WIPF2: variants seen among roughly 807,000 people sequenced by gnomAD.
WIPF2 encodes the protein WAS/WASL interacting protein family member 2.
In WIPF2, 23 loss-of-function variants were observed where a neutral mutation model predicts 38.8. The observed-to-expected ratio is 0.59, with a 90% CI of 0.43 to 0.84. The LOEUF (loss-of-function observed/expected upper bound fraction) is 0.84, where lower values mean the gene tolerates loss of function less well. Ranked by LOEUF, WIPF2 falls within the 40% of genes least tolerant of loss-of-function variation. WIPF2 has a pLI of 0.00. For synonymous variants in WIPF2, 210 were observed against 223.2 expected (o/e 0.94, Z 0.53); for missense variants, 574 against 580.5 (o/e 0.99, Z 0.11).
At chr17:40,236,342 C>CT (rs200578978) in intron 1 of WIPF2, among the ~76,000 whole-genome samples, 6 of 150,824 alleles carry the variant, frequency 4.0e-5, no homozygotes, top group African/African-American at 7.3e-5. Context: ...GTCTTCTAAC[C>CT]TTTTTTTTTC....
rs1019290726 is a variant in WIPF2, at chr17:40,219,314, C to T, written c.-248C>T. On this transcript the variant is annotated 5_prime_UTR_variant, in exon 1 of 8. Coordinates refer to ENST00000323571, the MANE Select transcript of WIPF2 (RefSeq NM_133264.5). ...TTTTCCCCCGCCTCCATTTTGTTCG[C>T]GGACGCTGGGGACGGTGGGAGCAGA... 1.0e-5 allele frequency: 3 copies of T among 295,742 alleles called. No homozygotes were observed. The allele number at this position is 295,742 out of a possible 1,614,324, so 18.3% of individuals were successfully genotyped here. A position where few individuals can be genotyped will look rare whatever the true frequency, so the allele number is the denominator to read the frequency against.
At chr17:40,267,140 A>G (rs992044822) in intron 5 of WIPF2, among the ~76,000 whole-genome samples, 2 of 152,058 alleles carry the variant, frequency 1.3e-5, no homozygotes, top group African/African-American at 4.8e-5. Flanking sequence ...GGCCCACTTG[A>G]GATTATGGGC....
intron 1 of WIPF2, among the ~76,000 whole-genome samples, chr17:40,221,318 T>G (rs2030226741): frequency 1.3e-5 from 2 of 152,136 alleles, no homozygotes; most frequent in Admixed American, 1.3e-4. Flanking sequence ...ATTATTAAGC[T>G]CTCATTTTTT....
intron 3 of WIPF2, among the ~76,000 whole-genome samples, chr17:40,262,132 G>A (rs551784911): frequency 1.4e-5 from 2 of 145,460 alleles, no homozygotes; most frequent in Non-Finnish European, 3.0e-5. Flanking sequence ...TCAGGCTGGA[G>A]TGCAGTGGTA....
intron 3 of WIPF2, 125 bp downstream of exon 3, chr17:40,260,792 C>A (rs994369566): frequency 1.6e-6 from 2 of 1,281,354 alleles, no homozygotes; most frequent in African/African-American, 1.5e-5. Flanking sequence ...TGCTTTGGCT[C>A]TCTTCTTATT....
chr17:40,230,490 G>A (rs1048805805), intron 1 of WIPF2, among the ~76,000 whole-genome samples: 1 of 152,068 alleles, frequency 6.6e-6, no homozygotes, highest in Non-Finnish European at 1.5e-5. Context: ...CAGTGAAACA[G>A]TTTTTATAAG....
chr17:40,251,063 G>A (rs1253940007), intron 1 of WIPF2, among the ~76,000 whole-genome samples: 1 of 151,726 alleles, frequency 6.6e-6, no homozygotes, highest in African/African-American at 2.4e-5. Flanking sequence ...ACAGGCGCCC[G>A]CCACCACGCC....
At chr17:40,260,386 C>T (rs2031859322) in intron 2 of WIPF2, 149 bp from the exon 3 acceptor site, 11 of 824,954 alleles carry the variant, frequency 1.3e-5, no homozygotes, top group Non-Finnish European at 2.0e-5. Context: ...GGGGTTTCAC[C>T]ATGTTGGCCA....
intron 1 of WIPF2, among the ~76,000 whole-genome samples, 186 bp from the exon 2 acceptor site, chr17:40,256,205 C>T (rs1279612853): frequency 6.6e-6 from 1 of 151,294 alleles, no homozygotes; most frequent in Non-Finnish European, 1.5e-5. Flanking sequence ...CATCATAAGT[C>T]ATTAGGAAAT....
chr17:40,220,591 A>ATATATATATATATATG (rs2030156729), intron 1 of WIPF2: 2 of 76,716 alleles, frequency 2.6e-5, no homozygotes, highest in African/African-American at 5.6e-5. Flanking sequence ...ATATATATAT[A>ATATATATATATATATG]TATATATATA....
At chr17:40,260,812 G>A in intron 3 of WIPF2, 145 bp downstream of exon 3, 1 of 1,112,004 alleles carries the variant, frequency 9.0e-7, no homozygotes, top group Non-Finnish European at 1.3e-6. Context: ...TCATTCTTCT[G>A]AACCTTAGAA....
Position 40,219,350 on chromosome 17 carries a change from G to T in WIPF2, c.-212G>T, listed in dbSNP as rs891184599. On this transcript the variant is annotated 5_prime_UTR_variant, in exon 1 of 8. Transcript: ENST00000323571. ...GACGGTGGGAGCAGATCCATTTCCG[G>T]GTTGGCAAAAGGGGCGGTGGCGGCG... is the stretch of plus-strand genomic sequence containing the variant. The T allele has an allele frequency of 2.6e-6, 1 of 384,062 alleles. No individual in the cohort carries two copies. The highest frequency in any genetic ancestry group is 2.4e-5 in the South Asian group (1 of 41,214). The allele number at this position is 384,062 out of a possible 1,614,324, so 23.8% of individuals were successfully genotyped here.
rs190651292 is a variant in WIPF2, at chr17:40,240,761, A to G, written c.-69-15630A>G. ...AGATGGAGACCATCCTGGCTAACAC[A>G]GTGAAACCCCGTCTCTACTAAAAAT... On this transcript the variant is annotated intron_variant, in intron 1 of 7. Coordinates refer to ENST00000323571, the MANE Select transcript of WIPF2 (RefSeq NM_133264.5). 2.5e-3 allele frequency among the ~76,000 whole-genome samples: 379 copies of G among 151,714 alleles called. 5 individuals carry two copies. In the East Asian group the frequency reaches 0.039, roughly 16 times the overall value.
Position 40,282,555 on chromosome 17 carries a change from C to G in WIPF2, c.*4330C>G, listed in dbSNP as rs1247371679. 6.6e-6 allele frequency: 1 copy of G among 152,200 alleles called. No individual in the cohort carries two copies. Among genetic ancestry groups the G allele is most frequent in the African/African-American group, 2.4e-5 (1 of 41,446 alleles). The allele number at this position is 152,200 out of a possible 1,614,324, so 9.4% of individuals were successfully genotyped here. ...TTATTTTGGAGTTATATTCTGATTACAGTGCTCCCTCTCCCAAATAGCATT... is the reference window on the plus strand; with the variant it reads ...TTATTTTGGAGTTATATTCTGATTAGAGTGCTCCCTCTCCCAAATAGCATT... On this transcript the variant is annotated 3_prime_UTR_variant, in exon 8 of 8. Transcript: ENST00000323571.
intron 3 of WIPF2, chr17:40,260,874 C>CG (rs1486000292): frequency 4.6e-6 from 3 of 655,956 alleles, no homozygotes; most frequent in Non-Finnish European, 5.2e-6. Flanking sequence ...ACCATCTCAC[C>CG]GGGCATGGTG....
chr17:40,255,034 T>C (rs1555562549), intron 1 of WIPF2, among the ~76,000 whole-genome samples: 1 of 152,046 alleles, frequency 6.6e-6, no homozygotes, highest in Non-Finnish European at 1.5e-5. Context: ...GTGCCCGGCC[T>C]GATTTTTACA....
rs1368750560 is a variant in WIPF2, at chr17:40,279,473, A to C, written c.*1248A>C. The C allele has an allele frequency of 6.5e-6, 1 of 152,712 alleles. No individual in the cohort carries two copies. Among genetic ancestry groups the C allele is most frequent in the Admixed American group, 6.5e-5 (1 of 15,278 alleles). 9.5% of individuals were successfully genotyped at this position (152,712 alleles called of 1,614,324 possible). A position where few individuals can be genotyped will look rare whatever the true frequency, so the allele number is the denominator to read the frequency against. On this transcript the variant is annotated 3_prime_UTR_variant, in exon 8 of 8. Coordinates refer to ENST00000323571, the MANE Select transcript of WIPF2 (RefSeq NM_133264.5). ...TATGAAGATATTCAGATACTCTTCT[A>C]TGCCAGGAAGCACAAAGACTTTGTT... is the stretch of plus-strand genomic sequence containing the variant.
chr17:40,266,376 A>G (rs1176731685), intron 5 of WIPF2, among the ~76,000 whole-genome samples: 1 of 152,160 alleles, frequency 6.6e-6, no homozygotes, highest in East Asian at 1.9e-4. Context: ...TGTGATGGAA[A>G]AACTCCAAGG....
chr17:40,248,316 C>T (rs1341902338), intron 1 of WIPF2, among the ~76,000 whole-genome samples: 4 of 151,630 alleles, frequency 2.6e-5, no homozygotes, highest in Non-Finnish European at 5.9e-5. Context: ...AAGCACCCGC[C>T]ACCGTGCCTG....
Sources: allele counts gnomAD v4.1 joint callset (sites outside exome capture counted in the v4.1 genomes callset), GRCh38; gene constraint gnomAD v4.1.1; transcripts MANE v1.5; gene names NCBI Gene and HGNC (gene_info 2026-07-23, HGNC 2026-07-21).